BBS12: variants seen among roughly 807,000 people sequenced by gnomAD.
BBS12 encodes the protein chaperonin-containing T-complex member BBS12.
Under a neutral mutation model 5.6 loss-of-function variants are expected in BBS12, and 5 were observed. The observed-to-expected ratio is 0.89, with a 90% confidence interval of 0.46 to 1.86. The LOEUF (loss-of-function observed/expected upper bound fraction) is 1.86. Ranked by LOEUF, BBS12 falls within the 40% of genes most tolerant of loss-of-function variation. BBS12 has a pLI of 0.01. For synonymous variants in BBS12, 308 were observed against 306.8 expected (o/e 1.00, Z -0.04); for missense variants, 748 against 830.4 (o/e 0.90, Z 1.22).
rs894322113 is a variant in BBS12, at chr4:122,732,751, A to G, written c.-144A>G. On this transcript the variant is annotated 5_prime_UTR_variant, in exon 1 of 2. The change abolishes an upstream ATG in the 5' untranslated region. Transcript: ENST00000314218. ...CTCCTCCAGAAGCCCCTCTTCGCAC[A>G]TGCGCAAACTGCGGACGGGGAACTG... 6 of 152,528 alleles carry G rather than the reference A, an allele frequency of 3.9e-5. No homozygotes were observed. The highest frequency in any genetic ancestry group is 7.3e-5 in the Non-Finnish European group (5 of 68,172). The allele number at this position is 152,528 out of a possible 1,614,324, so 9.4% of individuals were successfully genotyped here.
rs772412256 is a variant in BBS12, at chr4:122,743,949, C to T, written c.2057C>T (p.Thr686Ile). The T allele has an allele frequency of 6.2e-7, 1 of 1,612,722 alleles. No individual in the cohort carries two copies. The highest frequency in any genetic ancestry group is 8.5e-7 in the Non-Finnish European group (1 of 1,179,590). The change falls in exon 2 of 2, where the codon ACA becomes ATA. Residue 686 changes from threonine to isoleucine, a missense_variant. By Grantham distance (89) the Thr-to-Ile change is moderately conservative. Coordinates refer to ENST00000314218, the MANE Select transcript of BBS12 (RefSeq NM_152618.3). ...ALDLVLLVLQ[T>I]DSEIITGHGH... is the part of the protein sequence containing the mutation. ...GATTTAGTATTGTTAGTACTTCAGA[C>T]AGACAGTGAAATAATTACTGGACAT...
the BBS12 span, among the ~76,000 whole-genome samples, chr4:122,713,442 T>C: frequency 6.6e-6 from 1 of 152,144 alleles, no homozygotes; most frequent in Non-Finnish European, 1.5e-5. Context: ...CAATATGCTA[T>C]GATTGTGCCT....
the BBS12 span, among the ~76,000 whole-genome samples, chr4:122,716,248 A>G: frequency 6.6e-6 from 1 of 152,176 alleles, no homozygotes; most frequent in Non-Finnish European, 1.5e-5. Flanking sequence ...TTTAAATACA[A>G]TTGAATTTTG....
At chr4:122,734,457 G>A (rs1039055307) in intron 1 of BBS12, among the ~76,000 whole-genome samples, 2 of 151,940 alleles carry the variant, frequency 1.3e-5, no homozygotes, top group African/African-American at 2.4e-5. Flanking sequence ...TAGTAGAGAC[G>A]GAGTTTCACC....
chr4:122,736,682 T>C lies in BBS12; in HGVS notation c.-11+3798T>C, dbSNP rs988173019. Among the ~76,000 whole-genome samples, 8 of 152,162 alleles carry C rather than the reference T, an allele frequency of 5.3e-5. No individual in the cohort carries two copies. The East Asian group carries it at 1.3e-3, about 26-fold the overall frequency. On this transcript the variant is annotated intron_variant, in intron 1 of 1. Transcript: ENST00000314218. ...CATGCATAGCAGGACAAGAATCAGA[T>C]TGTGTCTGTGTAATGCCAAGAAGAG...
the BBS12 span, among the ~76,000 whole-genome samples, chr4:122,708,488 C>A: frequency 1.3e-5 from 2 of 152,010 alleles, no homozygotes; most frequent in Admixed American, 6.6e-5. Flanking sequence ...GGGATAACAC[C>A]CTGGCCCTAG....
the BBS12 span, among the ~76,000 whole-genome samples, chr4:122,709,484 T>C: frequency 2.5e-4 from 38 of 152,182 alleles, no homozygotes; most frequent in African/African-American, 8.4e-4. Flanking sequence ...TCTGTCTCAC[T>C]CTGATCCCCT....
chr4:122,733,403 A>ACG (rs1800733671), intron 1 of BBS12, among the ~76,000 whole-genome samples: 1 of 147,078 alleles, frequency 6.8e-6, no homozygotes, highest in Admixed American at 6.9e-5. Context: ...ACACACACAC[A>ACG]CACACACACA....
chr4:122,720,945 G>A, the BBS12 span, among the ~76,000 whole-genome samples: 1 of 150,032 alleles, frequency 6.7e-6, no homozygotes, highest in Non-Finnish European at 1.5e-5. Flanking sequence ...TATTAGGTTG[G>A]TGCAAAAGTA....
intron 1 of BBS12, chr4:122,733,995 C>A (rs1269082583): frequency 1.3e-5 from 2 of 149,660 alleles, no homozygotes; most frequent in African/African-American, 4.9e-5. Context: ...GGCACATTTT[C>A]CAAAGCCATC....
the BBS12 span, among the ~76,000 whole-genome samples, chr4:122,714,323 G>C: frequency 1.3e-5 from 2 of 152,134 alleles, no homozygotes; most frequent in African/African-American, 4.8e-5. Context: ...AATAAGTTTT[G>C]CTTGTTTAAT....
chr4:122,732,663 C>G (rs1308027679), upstream of BBS12: 1 of 152,424 alleles, frequency 6.6e-6, no homozygotes, highest in African/African-American at 2.4e-5. Flanking sequence ...CCCCGCCTTT[C>G]GCAGCCCGGC....
the BBS12 span, among the ~76,000 whole-genome samples, chr4:122,714,254 A>G: frequency 3.3e-5 from 5 of 152,216 alleles, no homozygotes; most frequent in African/African-American, 1.2e-4. Context: ...GGGCCTCACC[A>G]GAACCCTGTT....
the BBS12 span, among the ~76,000 whole-genome samples, chr4:122,707,057 T>C: frequency 5.7e-4 from 82 of 144,172 alleles, no homozygotes; most frequent in Admixed American, 1.0e-3. Flanking sequence ...TCTCTCTCTT[T>C]TTTTTTTTTT....
intron 1 of BBS12, among the ~76,000 whole-genome samples, chr4:122,740,024 A>T (rs1264393371): frequency 6.6e-6 from 1 of 152,212 alleles, no homozygotes; most frequent in Non-Finnish European, 1.5e-5. Flanking sequence ...TAATCCCAGC[A>T]CTTTGGGAGG....
chr4:122,704,857 C>T, the BBS12 span, among the ~76,000 whole-genome samples: 3 of 152,186 alleles, frequency 2.0e-5, no homozygotes, highest in African/African-American at 7.2e-5. Flanking sequence ...AGGAACTTTC[C>T]CATCAAGTCA....
At chr4:122,723,342 C>G in the BBS12 span, among the ~76,000 whole-genome samples, 1 of 152,164 alleles carries the variant, frequency 6.6e-6, no homozygotes, top group Non-Finnish European at 1.5e-5. Context: ...GTAATAGACA[C>G]CAATGAAATT....
intron 1 of BBS12, among the ~76,000 whole-genome samples, chr4:122,735,634 A>C (rs1800773985): frequency 6.6e-6 from 1 of 152,180 alleles, no homozygotes; most frequent in African/African-American, 2.4e-5. Context: ...CTCTTGCTTC[A>C]GTTTTGTACT....
the BBS12 span, among the ~76,000 whole-genome samples, chr4:122,704,780 A>G: frequency 6.6e-6 from 1 of 152,154 alleles, no homozygotes; most frequent in Admixed American, 6.5e-5. Context: ...GGTAGAACTA[A>G]TTTGAGTCCA....
Sources: gnomAD v4.1 joint callset for allele counts (sites outside exome capture counted in the v4.1 genomes callset) on GRCh38, gnomAD v4.1.1 for gene constraint, MANE v1.5 for transcripts, NCBI Gene and HGNC (gene_info 2026-07-23, HGNC 2026-07-21) for gene names.